ADGRV1: variants seen among roughly 807,000 people sequenced by gnomAD.
ADGRV1 encodes adhesion G protein-coupled receptor V1.
ADGRV1 carries 359 observed loss-of-function variants against 596.2 expected under a neutral mutation model. That is an observed-to-expected ratio of 0.60 (90% CI 0.55 to 0.66). ADGRV1 has a LOEUF of 0.66. Among genes scored for constraint, ADGRV1 ranks in the 30% least tolerant of loss-of-function variants. ADGRV1 has a pLI of 0.00. For synonymous variants in ADGRV1, 2,681 were observed against 2,679.2 expected (o/e 1.00, Z -0.02); for missense variants, 7,274 against 7,575.6 (o/e 0.96, Z 1.48).
chr5:90,833,313 C>A (rs960142488), intron 77 of ADGRV1, among the ~76,000 whole-genome samples: 1 of 152,010 alleles, frequency 6.6e-6, no homozygotes, highest in Admixed American at 6.6e-5. Flanking sequence ...GAGATAGGGT[C>A]TTGATCTTTT....
At chr5:90,888,791 C>T (rs1316744274) in intron 83 of ADGRV1, among the ~76,000 whole-genome samples, 1 of 152,088 alleles carries the variant, frequency 6.6e-6, no homozygotes, top group African/African-American at 2.4e-5. Context: ...ATACTTTTCA[C>T]AACCCCTCTG....
At chr5:91,033,085 T>C (rs1381579749) in intron 85 of ADGRV1, among the ~76,000 whole-genome samples, 4 of 152,206 alleles carry the variant, frequency 2.6e-5, no homozygotes, top group Non-Finnish European at 5.9e-5. Flanking sequence ...ATTTCTACTA[T>C]CTTACTTTGT....
intron 1 of ADGRV1, among the ~76,000 whole-genome samples, chr5:90,609,363 A>G (rs1762472780): frequency 6.6e-6 from 1 of 152,010 alleles, no homozygotes; most frequent in African/African-American, 2.4e-5. Context: ...AAAAATAAAG[A>G]CAAATAACAT....
At chr5:90,811,788 C>T (rs1762461089) in intron 74 of ADGRV1, among the ~76,000 whole-genome samples, 2 of 151,228 alleles carry the variant, frequency 1.3e-5, no homozygotes, top group Admixed American at 1.3e-4. Flanking sequence ...TTGCTTTTGA[C>T]CCAATGTAGT....
intron 86 of ADGRV1, among the ~76,000 whole-genome samples, chr5:91,083,739 A>C (rs180765243): frequency 7.0e-4 from 107 of 152,258 alleles, no homozygotes; most frequent in Non-Finnish European, 9.9e-4. Context: ...TGTTCTTCAC[A>C]TATTTTGTAC....
At chr5:91,045,627 C>T (rs1265160434) in intron 85 of ADGRV1, among the ~76,000 whole-genome samples, 1 of 152,000 alleles carries the variant, frequency 6.6e-6, no homozygotes, top group Non-Finnish European at 1.5e-5. Context: ...ACAAGGACGC[C>T]CACTCTCACT....
chr5:90,913,703 G>C (rs974180906), intron 83 of ADGRV1, among the ~76,000 whole-genome samples: 1 of 151,992 alleles, frequency 6.6e-6, no homozygotes, highest in East Asian at 1.9e-4. Context: ...TTTTAGAGTG[G>C]TTTTCTAAAT....
At chr5:91,002,682 A>G (rs960589295) in intron 85 of ADGRV1, among the ~76,000 whole-genome samples, 2 of 151,260 alleles carry the variant, frequency 1.3e-5, no homozygotes, top group African/African-American at 4.9e-5. Context: ...TCATGTACCC[A>G]TGTTGATATT....
intron 83 of ADGRV1, among the ~76,000 whole-genome samples, chr5:90,946,572 C>T (rs1321448821): frequency 2.0e-5 from 3 of 152,088 alleles, no homozygotes; most frequent in South Asian, 2.1e-4. Flanking sequence ...AGGTATTAAG[C>T]CCCACATGCA....
At chr5:90,679,522 G>T (rs749303779) in intron 25 of ADGRV1, 27 bp from the exon 26 acceptor site, 1 of 1,556,690 alleles carries the variant, frequency 6.4e-7, no homozygotes, top group Non-Finnish European at 8.9e-7. Context: ...TGTTGTGTGG[G>T]TTGTGTCTCT....
At chr5:90,988,228 T>A (rs965850849) in intron 85 of ADGRV1, among the ~76,000 whole-genome samples, 3 of 152,220 alleles carry the variant, frequency 2.0e-5, no homozygotes, top group Non-Finnish European at 4.4e-5. Flanking sequence ...TTTGTCTGAT[T>A]ATTCTAGATG....
chr5:90,587,337 A>C (rs1758884234), intron 1 of ADGRV1, among the ~76,000 whole-genome samples: 1 of 151,944 alleles, frequency 6.6e-6, no homozygotes, highest in Non-Finnish European at 1.5e-5. Flanking sequence ...TGTAGTGGGG[A>C]ATGATGGTTA....
At chr5:90,715,094 T>G (rs1298198747) in intron 42 of ADGRV1, among the ~76,000 whole-genome samples, 1 of 152,236 alleles carries the variant, frequency 6.6e-6, no homozygotes, top group Non-Finnish European at 1.5e-5. Flanking sequence ...TCTCCAGTAA[T>G]TTAGATCTTT....
At position 90,651,660 on chromosome 5, in the gene ADGRV1, G is replaced by C. The variant is rs761253411; in HGVS notation, c.3346G>C (p.Asp1116His). 1.2e-6 allele frequency: 2 copies of C among 1,612,224 alleles called. No homozygotes were observed. The highest frequency in any genetic ancestry group is 2.7e-5 in the African/African-American group (2 of 75,004). The change falls in exon 18 of 90, where the codon GAC (aspartate) becomes CAC (histidine). Residue 1116 changes from aspartate (D) to histidine (H), a missense_variant. By Grantham distance (81) the Asp-to-His change is moderately conservative. This residue lies in a region of ADGRV1 where 1,715 missense variants were observed against 1,708.8 expected (regional missense o/e 1.00). Coordinates refer to ENST00000405460, the MANE Select transcript of ADGRV1 (RefSeq NM_032119.4). ...VATVIIEAND[D>H]PNGIFSLEPI... The stretch of plus-strand genomic sequence containing the variant: ...TACAGTAATAATTGAAGCTAATGAT[G>C]ACCCAAATGGCATTTTTTCTCTGGA...
intron 9 of ADGRV1, 114 bp downstream of exon 9, chr5:90,629,653 G>C: frequency 1.3e-6 from 1 of 787,890 alleles, no homozygotes; most frequent in Non-Finnish European, 2.0e-6. Flanking sequence ...TCATTTATAT[G>C]TTGTTACTAA....
intron 1 of ADGRV1, among the ~76,000 whole-genome samples, chr5:90,594,259 T>C (rs1580379295): frequency 6.6e-6 from 1 of 152,184 alleles, no homozygotes; most frequent in South Asian, 2.1e-4. Flanking sequence ...AATTGAATCA[T>C]GGGGGCAGTT....
At chr5:90,937,449 A>C (rs988711561) in intron 83 of ADGRV1, among the ~76,000 whole-genome samples, 1 of 134,750 alleles carries the variant, frequency 7.4e-6, no homozygotes, top group African/African-American at 2.8e-5. Flanking sequence ...AATTGCAGTA[A>C]CTGTATTTTT....
At chr5:90,591,695 C>T (rs980705512) in intron 1 of ADGRV1, among the ~76,000 whole-genome samples, 6 of 152,134 alleles carry the variant, frequency 3.9e-5, no homozygotes, top group African/African-American at 1.2e-4. Flanking sequence ...GTGTTAGTAG[C>T]TAAAAATACT....
rs1766413936 is a variant in ADGRV1 at position 90,637,794 on chromosome 5, G to A, written c.2086G>A (p.Gly696Ser). The A allele has an allele frequency of 6.2e-7, 1 of 1,613,474 alleles. No homozygotes were observed. Among genetic ancestry groups the A allele is most frequent in the African/African-American group, 1.3e-5 (1 of 74,898 alleles). ...TGTCTACTGGAGTTTGAAGCCCTCT[G>A]GCTTTAATTCAAAAGCAGTGACCCC... ...ATVYWSLKPS[G>S]FNSKAVTPDD... Residue 696 changes from glycine to serine, a missense_variant, in exon 11 of 90, where the codon GGC becomes AGC. Transcript: ENST00000405460.
Sources: gnomAD v4.1 joint callset for allele counts (sites outside exome capture counted in the v4.1 genomes callset) on GRCh38, gnomAD v4.1.1 for gene constraint, gnomAD v4.1.1 regional missense constraint, MANE v1.5 for transcripts, NCBI Gene and HGNC (gene_info 2026-07-23, HGNC 2026-07-21) for gene names.